SIN3B: variants seen among roughly 807,000 people sequenced by gnomAD.
SIN3B encodes the protein paired amphipathic helix protein Sin3b.
SIN3B carries 19 observed loss-of-function variants against 120.2 expected under a neutral mutation model. The ratio of observed to expected loss-of-function variants is 0.16; its 90% CI spans 0.11 to 0.23. The LOEUF is 0.23. SIN3B is among the 10% of genes least tolerant of loss of function. The probability of loss-of-function intolerance (pLI) is 1.00; values close to 1 mark genes in which losing one functional copy is unlikely to be tolerated. For missense variants in SIN3B, 1,073 were observed against 1,573.0 expected (o/e 0.68, Z 5.38); for synonymous variants, 654 against 653.2 (o/e 1.00, Z -0.02).
At chr19:16,854,650 G>A (rs542068230) in intron 8 of SIN3B, 1 of 176,408 alleles carries the variant, frequency 5.7e-6, no homozygotes, top group East Asian at 1.8e-4. Context: ...GTGCATGTTA[G>A]GTTAAGTCTA....
chr19:16,878,144 C>G, intron 17 of SIN3B, 39 bp from the exon 18 acceptor site: 5 of 1,484,690 alleles, frequency 3.4e-6, no homozygotes, highest in Non-Finnish European at 4.5e-6. Context: ...TCCCACAATG[C>G]CGAGAGCCAG....
chr19:16,841,830 G>A lies in SIN3B; in HGVS notation c.444G>A (p.Glu148=). 2 of 1,614,100 alleles carry A rather than the reference G, an allele frequency of 1.2e-6. No homozygotes were observed. Among genetic ancestry groups the A allele is most frequent in the East Asian group, 2.2e-5 (1 of 44,874 alleles). Residue 148 remains glutamate (E), a synonymous_variant, in exon 4 of 19, where the codon GAG becomes GAA. Coordinates refer to ENST00000248054, the MANE Select transcript of SIN3B (RefSeq NM_001297595.2). ...TCAAGCAGCAGGTGCCGTATAAAGA[G>A]GACAAACCCCAGGTGCCCCTGGAGT... is the stretch of plus-strand genomic sequence containing the variant. ...EDFKQQVPYK[E]DKPQVPLESD...
intron 14 of SIN3B, among the ~76,000 whole-genome samples, chr19:16,872,313 A>G (rs1208209041): frequency 6.6e-6 from 1 of 151,956 alleles, no homozygotes; most frequent in Non-Finnish European, 1.5e-5. Context: ...TAAAATACCC[A>G]AGCAGAAAAG....
At chr19:16,848,043 A>G (rs1971501023) in intron 5 of SIN3B, among the ~76,000 whole-genome samples, 1 of 152,076 alleles carries the variant, frequency 6.6e-6, no homozygotes, top group Non-Finnish European at 1.5e-5. Context: ...ACTCAGCATC[A>G]TGTTTTCAAG....
At chr19:16,841,992 T>A in intron 4 of SIN3B, 24 bp downstream of exon 4, 1 of 1,593,936 alleles carries the variant, frequency 6.3e-7, no homozygotes, top group Non-Finnish European at 8.6e-7. Flanking sequence ...TTACAATTCC[T>A]TGTGGGTTTT....
intron 6 of SIN3B, 144 bp downstream of exon 6, chr19:16,851,678 C>G (rs543707247): frequency 9.5e-7 from 1 of 1,052,542 alleles, no homozygotes; most frequent in East Asian, 3.0e-5. Flanking sequence ...GCAGTGGGAC[C>G]GTTGGAAGTC....
Position 16,876,055 on chromosome 19 carries a change from C to T in SIN3B, c.2593C>T (p.Leu865=), listed in dbSNP as rs1175384791. Reference sequence around the variant, plus strand: ...GCACCACCTGCTTTCCTCCCGCCAGCTGCACCACCTCGTGAGCGATGACGT... The same window carrying T: ...GCACCACCTGCTTTCCTCCCGCCAGTTGCACCACCTCGTGAGCGATGACGT... ...DKLVQNIARQ[L]HHLVSDDVCL... Residue 865 remains leucine, a splice_region_variant and synonymous_variant, in exon 15 of 19, where the codon CTG becomes TTG. Transcript: ENST00000248054. This position sits in a 1 kb window ranked among gnomAD's most constrained non-coding sequence, Gnocchi z 7.1. 2.6e-6 allele frequency: 4 copies of T among 1,551,328 alleles called. No individual in the cohort carries two copies. Among genetic ancestry groups the T allele is most frequent in the South Asian group, 2.4e-5 (2 of 84,238 alleles).
Position 16,878,961 on chromosome 19 carries a change from AG to A in SIN3B, c.*238del. 1 of 552,744 alleles carries A rather than the reference AG, an allele frequency of 1.8e-6. No homozygotes were observed. Among genetic ancestry groups the A allele is most frequent in the South Asian group, 2.4e-5 (1 of 41,432 alleles). 34.2% of individuals were successfully genotyped at this position (552,744 alleles called of 1,614,324 possible). ...GAGCCCTGGGGCTCAGCCCCACCAC[AG>A]GGGCGGGTGGACGTGCTGGCCGAGG... On this transcript the variant is annotated 3_prime_UTR_variant, in exon 19 of 19. Transcript: ENST00000248054.
chr19:16,839,720 T>TA (rs1430377144), intron 3 of SIN3B, among the ~76,000 whole-genome samples: 1 of 152,040 alleles, frequency 6.6e-6, no homozygotes, highest in Non-Finnish European at 1.5e-5. Flanking sequence ...CAGAGAATCT[T>TA]ACAACAAACC....
rs1971705105 is a variant in SIN3B at position 16,862,632 on chromosome 19, C to A, written c.1266+73C>A. On this transcript the variant is annotated intron_variant, in intron 9 of 18. Transcript: ENST00000248054. The surrounding 1 kb of genome is among the most constrained non-coding windows in gnomAD (Gnocchi z 4.7). ...ACCCCTCCCCAGCAAACACCCGATA[C>A]CCCCGTTATGAATGAAATGCTGTGT... is the stretch of plus-strand genomic sequence containing the variant. 3 of 1,356,512 alleles carry A rather than the reference C, an allele frequency of 2.2e-6. No homozygotes were observed. The highest frequency in any genetic ancestry group is 3.1e-6 in the Non-Finnish European group (3 of 964,614). The allele number at this position is 1,356,512 out of a possible 1,614,324, so 84.0% of individuals were successfully genotyped here.
At chr19:16,858,420 C>T (rs983721755) in intron 8 of SIN3B, among the ~76,000 whole-genome samples, 1 of 152,170 alleles carries the variant, frequency 6.6e-6, no homozygotes, top group Non-Finnish European at 1.5e-5. Flanking sequence ...TGATTCCTCC[C>T]TAGTCACGGC....
chr19:16,859,197 C>T (rs557704011), intron 8 of SIN3B, among the ~76,000 whole-genome samples: 105 of 152,296 alleles, frequency 6.9e-4, no homozygotes, highest in South Asian at 2.3e-3. Flanking sequence ...CTCTAACTTA[C>T]TCTAGGACAA....
intron 5 of SIN3B, among the ~76,000 whole-genome samples, chr19:16,848,197 A>C (rs1187785000): frequency 1.3e-5 from 2 of 152,228 alleles, no homozygotes; most frequent in Non-Finnish European, 2.9e-5. Context: ...TGTTGTGAAC[A>C]GTGCCGCCAT....
chr19:16,833,627 G>A (rs1437527971), intron 3 of SIN3B, among the ~76,000 whole-genome samples: 1 of 146,254 alleles, frequency 6.8e-6, no homozygotes, highest in Non-Finnish European at 1.5e-5. Context: ...GCAAGACTCC[G>A]TCTCAAAAAA....
intron 4 of SIN3B, among the ~76,000 whole-genome samples, chr19:16,843,836 C>T (rs1402274749): frequency 8.0e-6 from 1 of 124,750 alleles, no homozygotes; most frequent in African/African-American, 3.2e-5. Flanking sequence ...CGCCCGGCAT[C>T]GGCACAGTTT....
chr19:16,879,078 G>A lies in SIN3B; in HGVS notation c.*351G>A, dbSNP rs2051656884. 6.2e-6 allele frequency: 2 copies of A among 323,896 alleles called. No individual in the cohort carries two copies. Among genetic ancestry groups the A allele is most frequent in the Admixed American group, 4.6e-5 (1 of 21,570 alleles). The allele number at this position is 323,896 out of a possible 1,614,324, so 20.1% of individuals were successfully genotyped here. On this transcript the variant is annotated 3_prime_UTR_variant, in exon 19 of 19. Coordinates refer to ENST00000248054, the MANE Select transcript of SIN3B (RefSeq NM_001297595.2). ...CTGCCCCATATTCTTGCCGTGTCTT[G>A]GAAAAGTCACAGGTGACAGCCCTCC...
intron 3 of SIN3B, 105 bp downstream of exon 3, chr19:16,831,752 A>G (rs1271642556): frequency 4.1e-6 from 4 of 974,710 alleles, no homozygotes; most frequent in Non-Finnish European, 6.3e-6. Context: ...AAAGCCACTT[A>G]AGATCTGTTC....
At chr19:16,851,577 C>A (rs1382381883) in intron 6 of SIN3B, 43 bp downstream of exon 6, 2 of 1,531,246 alleles carry the variant, frequency 1.3e-6, no homozygotes, top group Non-Finnish European at 1.8e-6. Context: ...CGCGGGGCCC[C>A]CAGCAAATCG....
At chr19:16,872,616 G>A (rs1204426708) in intron 14 of SIN3B, 1 of 152,062 alleles carries the variant, frequency 6.6e-6, no homozygotes, top group African/African-American at 2.4e-5. Flanking sequence ...GCTAATTTTT[G>A]TATTTTTAGT....
Sources: allele counts gnomAD v4.1 joint callset (sites outside exome capture counted in the v4.1 genomes callset), GRCh38; gene constraint gnomAD v4.1.1; non-coding constraint Gnocchi (gnomAD v3.1); transcripts MANE v1.5; gene names NCBI Gene and HGNC (gene_info 2026-07-23, HGNC 2026-07-21).